DAAM2: variants seen among roughly 807,000 people sequenced by gnomAD.
DAAM2 encodes dishevelled associated activator of morphogenesis 2.
Under a neutral mutation model 120.7 loss-of-function variants are expected in DAAM2, and 39 were observed. The ratio of observed to expected loss-of-function variants is 0.32; its 90% CI spans 0.25 to 0.42. DAAM2 has a LOEUF of 0.42. DAAM2 is among the 10% of genes least tolerant of loss of function. The pLI, the probability that DAAM2 is intolerant of heterozygous loss-of-function variation, is 1.00. For synonymous variants in DAAM2, 488 were observed against 524.9 expected (o/e 0.93, Z 0.96); for missense variants, 1,283 against 1,401.7 (o/e 0.92, Z 1.35).
At chr6:39,846,032 G>A (rs189163858) in intron 1 of DAAM2, among the ~76,000 whole-genome samples, 2 of 152,252 alleles carry the variant, frequency 1.3e-5, no homozygotes, top group East Asian at 3.9e-4. Flanking sequence ...GGGCTGGTTT[G>A]GAGCCTGGTA....
At chr6:39,820,987 C>T (rs1344536336) in intron 1 of DAAM2, 4 of 152,232 alleles carry the variant, frequency 2.6e-5, no homozygotes, top group African/African-American at 9.6e-5. Context: ...GTCTTTCTGC[C>T]TCCATGTTCT....
chr6:39,839,373 A>G (rs558440507), intron 1 of DAAM2, among the ~76,000 whole-genome samples: 2 of 152,334 alleles, frequency 1.3e-5, no homozygotes, highest in East Asian at 3.9e-4. Flanking sequence ...TGGAATCTTC[A>G]TCTTTCGTAA....
intron 1 of DAAM2, among the ~76,000 whole-genome samples, chr6:39,840,027 T>A (rs1200558984): frequency 6.6e-6 from 1 of 151,996 alleles, no homozygotes; most frequent in Admixed American, 6.6e-5. Flanking sequence ...AGGAGTTTGA[T>A]ACCAGCCTGG....
At chr6:39,798,725 C>G (rs1447602030) in intron 1 of DAAM2, among the ~76,000 whole-genome samples, 1 of 152,092 alleles carries the variant, frequency 6.6e-6, no homozygotes, top group African/African-American at 2.4e-5. Context: ...ACCTGAAAGT[C>G]CTTGCCTCAG....
At chr6:39,867,349 G>A in intron 5 of DAAM2, 161 bp from the exon 6 acceptor site, 2 of 634,778 alleles carry the variant, frequency 3.2e-6, no homozygotes, top group Non-Finnish European at 5.5e-6. Flanking sequence ...CTTTTGTGAA[G>A]ATGATAGGAT....
In DAAM2 at chr6:39,868,937, G is replaced by A. The variant is rs752044185; in HGVS notation, c.873+4G>A. On this transcript the variant is annotated splice_donor_region_variant and intron_variant, in intron 7 of 24. Transcript: ENST00000274867. ...CCTCAATGCTGGAGCTGGAGAGGTG[G>A]GGTGCCTTCTCCTTGCCCTTGCTGT... The A allele has an allele frequency of 3.9e-6, 6 of 1,558,298 alleles. No individual in the cohort carries two copies. In the Admixed American group the frequency reaches 1.1e-4, roughly 29 times the overall value.
chr6:39,839,030 C>G (rs909206436), intron 1 of DAAM2, among the ~76,000 whole-genome samples: 9 of 152,162 alleles, frequency 5.9e-5, no homozygotes, highest in African/African-American at 1.7e-4. Context: ...GTGGTCCCCC[C>G]TCTCTCTCCT....
chr6:39,904,694 CT>C lies in DAAM2; in HGVS notation c.*2658del, dbSNP rs1461845396. On this transcript the variant is annotated 3_prime_UTR_variant, in exon 25 of 25. Coordinates refer to ENST00000274867, the MANE Select transcript of DAAM2 (RefSeq NM_001201427.2). Reference sequence around the variant, plus strand: ...CCACCAACTGGGGAACTGTGACTATCTATCTCCCCCGACTTCTACCAGGGAT... The same window carrying C: ...CCACCAACTGGGGAACTGTGACTATCATCTCCCCCGACTTCTACCAGGGAT... 2.2e-5 allele frequency: 10 copies of C among 444,674 alleles called. No homozygotes were observed. The highest frequency in any genetic ancestry group is 1.7e-4 in the Admixed American group (7 of 42,176). The allele number at this position is 444,674 out of a possible 1,614,324, so 27.5% of individuals were successfully genotyped here. A position where few individuals can be genotyped will look rare whatever the true frequency, so the allele number is the denominator to read the frequency against.
intron 1 of DAAM2, among the ~76,000 whole-genome samples, chr6:39,793,821 A>G (rs1453742931): frequency 1.3e-5 from 2 of 152,206 alleles, no homozygotes; most frequent in Non-Finnish European, 2.9e-5. Flanking sequence ...TCCACAAACG[A>G]GTGACCACAG....
rs948398903 is a variant in DAAM2 at position 39,867,811 on chromosome 6, C to T, written c.730C>T (p.Gln244Ter). The T allele has an allele frequency of 6.2e-7, 1 of 1,607,710 alleles. No homozygotes were observed. Among genetic ancestry groups the T allele is most frequent in the Non-Finnish European group, 8.5e-7 (1 of 1,177,390 alleles). The change falls in exon 6 of 25, where the codon CAG becomes TAG. Residue 244 changes from glutamine to a stop codon, truncating the protein, a stop_gained. Transcript: ENST00000274867. LOFTEE classifies it high-confidence loss of function. ...GGTGCTGCAGGCCATGCTGCACTAC[C>T]AGGTGTATGCAGCAGAGCGAACCCG... ...KKVLQAMLHY[Q>*]VYAAERTRFQ...
At chr6:39,824,235 C>T (rs1169864149) in intron 1 of DAAM2, among the ~76,000 whole-genome samples, 4 of 152,174 alleles carry the variant, frequency 2.6e-5, no homozygotes, top group African/African-American at 9.7e-5. Context: ...GCAGTAGGCA[C>T]TCAGGAAGTA....
intron 3 of DAAM2, chr6:39,862,810 A>AC (rs759287231): frequency 2.3e-5 from 1 of 43,078 alleles, no homozygotes; most frequent in Non-Finnish European, 4.3e-5. Flanking sequence ...CATCTCAAAA[A>AC]AAAAAAAAAA....
At chr6:39,892,287 G>A (rs1031228593) in intron 19 of DAAM2, among the ~76,000 whole-genome samples, 3 of 152,190 alleles carry the variant, frequency 2.0e-5, no homozygotes, top group Non-Finnish European at 2.9e-5. Context: ...CTGCTTGGTT[G>A]GTCCTCATTT....
In DAAM2 at chr6:39,879,327, C is replaced by G; in HGVS notation, c.1695C>G (p.Pro565=). 1 of 1,599,854 alleles carries G rather than the reference C, an allele frequency of 6.3e-7. No individual in the cohort carries two copies. The highest frequency in any genetic ancestry group is 8.5e-7 in the Non-Finnish European group (1 of 1,170,270). Residue 565 remains proline, a synonymous_variant, in exon 14 of 25, where the codon CCC becomes CCG. Transcript: ENST00000274867. ...CACCACCCCTTCCTCCCGGGGGACC[C>G]CCGACTCCCCCAGGTGCCCCACCTT... The part of the protein sequence containing the change: ...PPPPPLPPGG[P]PTPPGAPPCL...
At chr6:39,812,209 G>A (rs964665145) in intron 1 of DAAM2, among the ~76,000 whole-genome samples, 5 of 152,192 alleles carry the variant, frequency 3.3e-5, no homozygotes, top group African/African-American at 1.2e-4. Flanking sequence ...CCTATGAAGG[G>A]TTTTATACAC....
Position 39,883,954 on chromosome 6 carries a change from A to T in DAAM2, c.1846-8A>T, listed in dbSNP as rs769797427. ...ACCATGGGATCTTCTCCCTACCCTG[A>T]ATTTTAGGAGCGTGTCCCTGGCACC... On this transcript the variant is annotated splice_region_variant and splice_polypyrimidine_tract_variant and intron_variant, in intron 14 of 24. Coordinates refer to ENST00000274867, the MANE Select transcript of DAAM2 (RefSeq NM_001201427.2). The T allele has an allele frequency of 1.2e-6, 2 of 1,605,010 alleles. No homozygotes were observed. Among genetic ancestry groups the T allele is most frequent in the Non-Finnish European group, 1.7e-6 (2 of 1,172,484 alleles).
rs540108756 is a variant in DAAM2, at chr6:39,898,416, A to AGCATCTGCTAGGCAAGATATC, written c.2619-460_2619-440dup. 2.8e-4 allele frequency among the ~76,000 whole-genome samples: 42 copies of AGCATCTGCTAGGCAAGATATC among 152,356 alleles called. No individual in the cohort carries two copies. The East Asian group carries it at 6.8e-3, about 25-fold the overall frequency. ...AAGGAAATGTGGGTGGGGCACCAACAGCATCTGCTAGGCAAGATATCAGAC... is the reference window on the plus strand; with the variant it reads ...AAGGAAATGTGGGTGGGGCACCAACAGCATCTGCTAGGCAAGATATCGCATCTGCTAGGCAAGATATCAGAC... On this transcript the variant is annotated intron_variant, in intron 21 of 24. Coordinates refer to ENST00000274867, the MANE Select transcript of DAAM2 (RefSeq NM_001201427.2).
Position 39,875,373 on chromosome 6 carries a change from C to T in DAAM2, c.1206C>T (p.Asp402=). 6.2e-7 allele frequency: 1 copy of T among 1,613,978 alleles called. No homozygotes were observed. The highest frequency in any genetic ancestry group is 1.3e-5 in the African/African-American group (1 of 75,056). ...GGYFQQWQLL[D]RILQQIVLQD... is the part of the protein sequence containing the mutation. ...ACTTCCAGCAGTGGCAGCTCCTGGA[C>T]CGCATCCTCCAGCAGATTGTCCTCC... The change falls in exon 11 of 25, where the codon GAC becomes GAT. Residue 402 remains aspartate (D), a synonymous_variant. Coordinates refer to ENST00000274867, the MANE Select transcript of DAAM2 (RefSeq NM_001201427.2).
chr6:39,863,468 G>A (rs1458231582), intron 3 of DAAM2, among the ~76,000 whole-genome samples: 1 of 152,130 alleles, frequency 6.6e-6, no homozygotes, highest in Admixed American at 6.5e-5. Flanking sequence ...ATGGAGCTGA[G>A]AGCTGCAGGG....
Sources: allele counts gnomAD v4.1 joint callset (sites outside exome capture counted in the v4.1 genomes callset), GRCh38; gene constraint gnomAD v4.1.1; transcripts MANE v1.5; gene names NCBI Gene and HGNC (gene_info 2026-07-23, HGNC 2026-07-21).